Variants in C1GALT1 observed in about 807,000 individuals in gnomAD.
The protein encoded by C1GALT1 is core 1 synthase, glycoprotein-N-acetylgalactosamine 3-beta-galactosyltransferase 1, also known as glycoprotein-N-acetylgalactosamine 3-beta-galactosyltransferase 1.
C1GALT1 carries 11 observed loss-of-function variants against 31.0 expected under a neutral mutation model. That is an observed-to-expected ratio of 0.36 (90% CI 0.22 to 0.59). The LOEUF is 0.59. Among genes scored for constraint, C1GALT1 ranks in the 20% least tolerant of loss-of-function variants. C1GALT1 has a pLI of 0.79. For missense variants in C1GALT1, 424 were observed against 425.2 expected (o/e 1.00, Z 0.03); for synonymous variants, 175 against 143.6 (o/e 1.22, Z -1.56).
chr7:7,190,656 AAG>A (rs1781028723), intron 1 of C1GALT1, among the ~76,000 whole-genome samples: 1 of 152,120 alleles, frequency 6.6e-6, no homozygotes, highest in East Asian at 1.9e-4. Context: ...TTCCCCTTTC[AAG>A]AGTTTTCCAG....
chr7:7,226,376 A>AAAT (rs1057084893), intron 1 of C1GALT1, among the ~76,000 whole-genome samples: 8 of 100,094 alleles, frequency 8.0e-5, no homozygotes, highest in African/African-American at 2.9e-4. Context: ...TTAAAAAAAA[A>AAAT]AATAACTAGA....
intron 1 of C1GALT1, among the ~76,000 whole-genome samples, chr7:7,228,551 G>C (rs1268667025): frequency 6.6e-6 from 1 of 152,084 alleles, no homozygotes; most frequent in Admixed American, 6.5e-5. Context: ...AAAAATCTGA[G>C]TGAGCTTTGG....
At chr7:7,193,641 C>G (rs958228247) in intron 1 of C1GALT1, among the ~76,000 whole-genome samples, 2 of 151,546 alleles carry the variant, frequency 1.3e-5, no homozygotes, top group Non-Finnish European at 3.0e-5. Flanking sequence ...TTTGCTGAGT[C>G]TTGATTTGGC....
Position 7,234,334 on chromosome 7 carries a change from C to G in C1GALT1, c.15C>G (p.Ser5=). The G allele has an allele frequency of 6.2e-7, 1 of 1,613,576 alleles. No homozygotes were observed. Among genetic ancestry groups the G allele is most frequent in the Non-Finnish European group, 8.5e-7 (1 of 1,179,778 alleles). ...ACTTTCGGGAAATGGCCTCTAAATCCTGGCTGAATTTTTTAACCTTCCTCT... is the reference window on the plus strand; with the variant it reads ...ACTTTCGGGAAATGGCCTCTAAATCGTGGCTGAATTTTTTAACCTTCCTCT... MASK[S]WLNFLTFLCG... is the part of the protein sequence containing the mutation. The change falls in exon 2 of 4, where the codon TCC becomes TCG. Residue 5 remains serine (S), a synonymous_variant. Transcript: ENST00000436587.
intron 1 of C1GALT1, among the ~76,000 whole-genome samples, chr7:7,202,275 A>G (rs776036340): frequency 6.6e-6 from 1 of 152,114 alleles, no homozygotes; most frequent in African/African-American, 2.4e-5. Context: ...TTCCCGTGGT[A>G]GTAGTTCTTC....
intron 1 of C1GALT1, among the ~76,000 whole-genome samples, chr7:7,222,588 C>G (rs1309297472): frequency 6.6e-6 from 1 of 152,128 alleles, no homozygotes; most frequent in Non-Finnish European, 1.5e-5. Flanking sequence ...CTGATTTGAA[C>G]AAACCAACTG....
intron 2 of C1GALT1, among the ~76,000 whole-genome samples, chr7:7,166,619 G>C (rs575343915): frequency 6.6e-6 from 1 of 152,196 alleles, no homozygotes; most frequent in Admixed American, 6.5e-5. Context: ...TGCACTTTAT[G>C]TATACTTATT....
chr7:7,218,676 A>G (rs1276054218), intron 1 of C1GALT1, among the ~76,000 whole-genome samples: 1 of 152,174 alleles, frequency 6.6e-6, no homozygotes, highest in Non-Finnish European at 1.5e-5. Flanking sequence ...CTGAGAGTTT[A>G]CACTGAAACA....
chr7:7,182,100 T>C (rs1780605761), upstream of C1GALT1, among the ~76,000 whole-genome samples: 3 of 152,140 alleles, frequency 2.0e-5, no homozygotes, highest in Non-Finnish European at 4.4e-5. Context: ...CTTCATCTTA[T>C]TACTTCCTTT....
rs73043778 is a variant in C1GALT1, at chr7:7,172,237, T to C, written c.-18+14811T>C. On this transcript the variant is annotated intron_variant, in intron 2 of 3. Coordinates refer to the C1GALT1 transcript ENST00000429911. ...GATATAAAATTTCAGTTAATAGGTT[T>C]CATTTTCTTTCACCCACTTAAATAT... is the stretch of plus-strand genomic sequence containing the variant. Among the ~76,000 whole-genome samples the C allele has an allele frequency of 3.8e-3, 586 of 152,332 alleles. 1 individual carries two copies. The highest frequency in any genetic ancestry group is 6.7e-3 in the Non-Finnish European group (456 of 68,016).
rs1241835053 is a variant in C1GALT1, at chr7:7,247,204, C to T, written c.*3477C>T. On this transcript the variant is annotated 3_prime_UTR_variant, in exon 4 of 4. Coordinates refer to ENST00000436587, the MANE Select transcript of C1GALT1 (RefSeq NM_020156.5). ...GCAAAAGAAAAATAAAAAAGCAATT[C>T]TCCAAGTACTTCATAGAGCACATAA... 1 of 152,106 alleles carries T rather than the reference C, an allele frequency of 6.6e-6. No homozygotes were observed. The highest frequency in any genetic ancestry group is 1.9e-4 in the East Asian group (1 of 5,194). The allele number at this position is 152,106 out of a possible 1,614,324, so 9.4% of individuals were successfully genotyped here. A position where few individuals can be genotyped will look rare whatever the true frequency, so the allele number is the denominator to read the frequency against.
At chr7:7,229,756 A>C (rs1230558982) in intron 1 of C1GALT1, among the ~76,000 whole-genome samples, 1 of 152,216 alleles carries the variant, frequency 6.6e-6, no homozygotes, top group Non-Finnish European at 1.5e-5. Flanking sequence ...AATGAGGGAA[A>C]GGGGGCAGTA....
chr7:7,219,701 T>C (rs1474732115), intron 1 of C1GALT1, among the ~76,000 whole-genome samples: 2 of 152,200 alleles, frequency 1.3e-5, no homozygotes, highest in African/African-American at 4.8e-5. Context: ...ATAATGTTAG[T>C]TGGCCCTTAT....
At chr7:7,211,584 T>C (rs1426527099) in intron 1 of C1GALT1, among the ~76,000 whole-genome samples, 1 of 152,124 alleles carries the variant, frequency 6.6e-6, no homozygotes, top group Non-Finnish European at 1.5e-5. Context: ...AACAGTAGAG[T>C]GAGTATAGCA....
chr7:7,174,458 A>G (rs1483145716), intron 2 of C1GALT1, among the ~76,000 whole-genome samples: 3 of 152,114 alleles, frequency 2.0e-5, no homozygotes, highest in African/African-American at 7.2e-5. Context: ...ACATGCCTAC[A>G]CTGAACCAGG....
intron 1 of C1GALT1, among the ~76,000 whole-genome samples, chr7:7,232,501 T>G (rs201015459): frequency 5.4e-5 from 7 of 130,770 alleles, no homozygotes; most frequent in Admixed American, 8.5e-5. Context: ...TTTTTTGTTT[T>G]TTTTTTTTTG....
intron 1 of C1GALT1, among the ~76,000 whole-genome samples, chr7:7,193,072 A>G (rs1248250047): frequency 1.3e-5 from 2 of 151,956 alleles, no homozygotes; most frequent in African/African-American, 2.4e-5. Context: ...TGTCAGATGC[A>G]TAGTTTACCA....
upstream of C1GALT1, among the ~76,000 whole-genome samples, chr7:7,179,719 C>G (rs2128228090): frequency 6.6e-6 from 1 of 152,190 alleles, no homozygotes; most frequent in South Asian, 2.1e-4. Context: ...TAGTCCAGAC[C>G]TGGTAAGTTG....
At chr7:7,168,755 T>C (rs1780423500) in intron 2 of C1GALT1, among the ~76,000 whole-genome samples, 2 of 152,236 alleles carry the variant, frequency 1.3e-5, no homozygotes, top group African/African-American at 4.8e-5. Context: ...ATAATTAAAG[T>C]CTCTAAAAAA....
Sources: allele counts gnomAD v4.1 joint callset (sites outside exome capture counted in the v4.1 genomes callset), GRCh38; gene constraint gnomAD v4.1.1; transcripts MANE v1.5; gene names NCBI Gene and HGNC (gene_info 2026-07-23, HGNC 2026-07-21).